The following PRKCB variants were observed in gnomAD, a reference collection of about 807,000 sequenced individuals.
PRKCB encodes the protein protein kinase C beta.
A neutral mutation model predicts 81.5 loss-of-function variants in PRKCB; 13 were observed. That is an observed-to-expected ratio of 0.16 (90% confidence interval 0.10 to 0.25). The LOEUF (loss-of-function observed/expected upper bound fraction) is 0.25, where lower values mean the gene tolerates loss of function less well. Among genes scored for constraint, PRKCB ranks in the 10% least tolerant of loss-of-function variants. The pLI is 1.00. For missense variants in PRKCB, 509 were observed against 875.7 expected (o/e 0.58, Z 5.29); for synonymous variants, 335 against 321.4 (o/e 1.04, Z -0.45).
intron 2 of PRKCB, among the ~76,000 whole-genome samples, chr16:23,978,108 C>T (rs1044345586): frequency 6.6e-6 from 1 of 151,992 alleles, no homozygotes; most frequent in Non-Finnish European, 1.5e-5. Flanking sequence ...TATTTGAGGC[C>T]GAATGACCAG....
At chr16:24,158,750 C>T (rs759857582) in intron 10 of PRKCB, among the ~76,000 whole-genome samples, 7 of 152,006 alleles carry the variant, frequency 4.6e-5, no homozygotes, top group Non-Finnish European at 1.0e-4. Flanking sequence ...CCTTGGGCTC[C>T]TGGGCTCAAT....
chr16:23,872,404 C>T (rs189305891), intron 2 of PRKCB, among the ~76,000 whole-genome samples: 1 of 152,264 alleles, frequency 6.6e-6, no homozygotes, highest in Admixed American at 6.5e-5. Flanking sequence ...ACCTGTAGTC[C>T]TACCTACTCG....
intron 5 of PRKCB, 150 bp from the exon 6 acceptor site, chr16:24,092,641 C>A: frequency 1.4e-6 from 1 of 693,354 alleles, no homozygotes; most frequent in Non-Finnish European, 2.3e-6. Context: ...TCATTTTGTG[C>A]ACTGCTTCAG....
intron 10 of PRKCB, among the ~76,000 whole-genome samples, chr16:24,160,951 C>T (rs906528139): frequency 6.6e-6 from 1 of 151,902 alleles, no homozygotes; most frequent in Non-Finnish European, 1.5e-5. Context: ...AGGCCGGTGT[C>T]GCCCCGGTGG....
intron 2 of PRKCB, among the ~76,000 whole-genome samples, chr16:23,910,097 T>C (rs951692022): frequency 6.6e-6 from 1 of 152,112 alleles, no homozygotes; most frequent in Non-Finnish European, 1.5e-5. Flanking sequence ...CAGCACACCC[T>C]GAACATGCTG....
chr16:23,940,271 A>T (rs1461364644), intron 2 of PRKCB, among the ~76,000 whole-genome samples: 2 of 152,146 alleles, frequency 1.3e-5, no homozygotes, highest in Non-Finnish European at 2.9e-5. Flanking sequence ...TGCAGTAGCC[A>T]CTCTGGAAAA....
At chr16:23,952,307 C>T (rs1596485105) in intron 2 of PRKCB, among the ~76,000 whole-genome samples, 1 of 152,224 alleles carries the variant, frequency 6.6e-6, no homozygotes, top group Non-Finnish European at 1.5e-5. Flanking sequence ...CACAGTGAAG[C>T]TCTGCTGATT....
chr16:23,843,635 G>A (rs995834561), intron 2 of PRKCB, among the ~76,000 whole-genome samples: 10 of 152,154 alleles, frequency 6.6e-5, no homozygotes, highest in African/African-American at 1.9e-4. Context: ...GCCTTTCTAA[G>A]TAAATATGGA....
intron 15 of PRKCB, among the ~76,000 whole-genome samples, chr16:24,189,734 T>C (rs1967761252): frequency 6.6e-6 from 1 of 151,412 alleles, no homozygotes; most frequent in African/African-American, 2.4e-5. Context: ...ATATGACAAG[T>C]ACATGCTTGT....
chr16:24,219,649 T>C lies in PRKCB; in HGVS notation c.*4833T>C. 2 of 1,045,970 alleles carry C rather than the reference T, an allele frequency of 1.9e-6. No homozygotes were observed. Among genetic ancestry groups the C allele is most frequent in the African/African-American group, 2.0e-5 (1 of 50,210 alleles). The allele number at this position is 1,045,970 out of a possible 1,614,324, so 64.8% of individuals were successfully genotyped here. On this transcript the variant is annotated 3_prime_UTR_variant, in exon 17 of 17. Coordinates refer to ENST00000643927, the MANE Select transcript of PRKCB (RefSeq NM_002738.7). The stretch of plus-strand genomic sequence containing the variant: ...CAATTCATCCTAAAGCCAAAGAAAA[T>C]ACAGCAACACACACACACACACACA...
chr16:24,095,451 G>A (rs1966427900), intron 7 of PRKCB, among the ~76,000 whole-genome samples: 1 of 152,120 alleles, frequency 6.6e-6, no homozygotes, highest in Non-Finnish European at 1.5e-5. Context: ...AGGTCCAGGT[G>A]GGGCAGTCTG....
At position 24,215,665 on chromosome 16, in the gene PRKCB, A is replaced by G. The variant is rs1316783467; in HGVS notation, c.*849A>G. 1.0e-6 allele frequency: 1 copy of G among 984,816 alleles called. No individual in the cohort carries two copies. The highest frequency in any genetic ancestry group is 1.8e-5 in the African/African-American group (1 of 57,102). The allele number at this position is 984,816 out of a possible 1,614,324, so 61.0% of individuals were successfully genotyped here. On this transcript the variant is annotated 3_prime_UTR_variant, in exon 17 of 17. Transcript: ENST00000643927. ...AAAAAAAAGAAAAAAAAAGAAAAAA[A>G]AAGGTGACTCACATTGTTACACATG...
Position 23,836,242 on chromosome 16 carries a change from A to C in PRKCB, c.67A>C (p.Lys23Gln). Residue 23 changes from lysine (K) to glutamine (Q), a missense_variant, in exon 1 of 17, where the codon AAA becomes CAA. Lys to Gln is a moderately conservative substitution (Grantham distance 53, BLOSUM62 1). Around this residue, in one of 6 missense-constraint regions of PRKCB, gnomAD observed 184 missense variants for 362.9 expected, o/e 0.51. Transcript: ENST00000643927. ...GEESTVRFAR[K>Q]GALRQKNVHE... is the part of the protein sequence containing the mutation. ...GGAGAGCACCGTGCGCTTCGCCCGC[A>C]AAGGCGCCCTCCGGCAGAAGAACGT... is the stretch of plus-strand genomic sequence containing the variant. The C allele has an allele frequency of 6.2e-7, 1 of 1,600,754 alleles. No homozygotes were observed. Among genetic ancestry groups the C allele is most frequent in the South Asian group, 1.1e-5 (1 of 90,684 alleles).
intron 2 of PRKCB, among the ~76,000 whole-genome samples, chr16:23,950,052 G>A (rs753849780): frequency 1.3e-5 from 2 of 151,284 alleles, no homozygotes; most frequent in African/African-American, 2.4e-5. Context: ...AAGGAGCCTC[G>A]CCGTGGGGCG....
At chr16:23,892,749 A>G (rs1963314727) in intron 2 of PRKCB, among the ~76,000 whole-genome samples, 1 of 152,164 alleles carries the variant, frequency 6.6e-6, no homozygotes, top group Non-Finnish European at 1.5e-5. Context: ...CTGAGGGGAT[A>G]TATTGGACCC....
chr16:24,103,158 C>A (rs1471221794), intron 7 of PRKCB, among the ~76,000 whole-genome samples: 1 of 152,198 alleles, frequency 6.6e-6, no homozygotes, highest in Non-Finnish European at 1.5e-5. Flanking sequence ...CAGGTGTGAA[C>A]CACCGCACGT....
chr16:24,120,246 C>T (rs1368049223), intron 8 of PRKCB, among the ~76,000 whole-genome samples: 1 of 152,016 alleles, frequency 6.6e-6, no homozygotes. Context: ...GGAAATGTTC[C>T]GCGTCTTGTT....
At chr16:24,059,909 A>G (rs1965950976) in intron 5 of PRKCB, among the ~76,000 whole-genome samples, 1 of 152,192 alleles carries the variant, frequency 6.6e-6, no homozygotes, top group South Asian at 2.1e-4. Context: ...AGTAGGAGTT[A>G]AGAGGCAGGA....
intron 2 of PRKCB, among the ~76,000 whole-genome samples, chr16:23,958,354 G>A (rs1964378113): frequency 6.6e-6 from 1 of 151,102 alleles, no homozygotes. Context: ...ACCCAGGTGG[G>A]AGTGCAGCAG....
Sources: allele counts gnomAD v4.1 joint callset (sites outside exome capture counted in the v4.1 genomes callset), GRCh38; gene constraint gnomAD v4.1.1; regional missense constraint gnomAD v4.1.1; transcripts MANE v1.5; gene names NCBI Gene and HGNC (gene_info 2026-07-23, HGNC 2026-07-21).